Variants in MTMR8 observed in about 807,000 individuals in gnomAD.
MTMR8 encodes myotubularin related protein 8, also known as phosphatidylinositol-3,5-bisphosphate 3-phosphatase MTMR8.
MTMR8 carries 65 observed loss-of-function variants against 39.3 expected under a neutral mutation model. The ratio of observed to expected loss-of-function variants is 1.65; its 90% confidence interval spans 1.35 to 2.03. MTMR8 has a LOEUF of 2.03. MTMR8 is among the 30% of genes most tolerant of loss of function. MTMR8 has a pLI of 0.00. For missense variants in MTMR8, 777 were observed against 538.9 expected (o/e 1.44, Z -4.37); for synonymous variants, 245 against 185.2 (o/e 1.32, Z -2.62).
At chrX:64,314,439 G>C (rs866905243) in intron 12 of MTMR8, among the ~76,000 whole-genome samples, 2 of 112,612 alleles carry the variant, frequency 1.8e-5, no homozygotes, top group Admixed American at 9.3e-5. Context: ...GTTAGCATGG[G>C]GGTAGGGCAC....
chrX:64,359,338 C>T lies in MTMR8; in HGVS notation c.147+67G>A, dbSNP rs1052406872. 7.9e-6 allele frequency: 8 copies of T among 1,015,410 alleles called. No individual in the cohort carries two copies. The African/African-American group carries it at 9.8e-5, about 12-fold the overall frequency. 83.7% of individuals were successfully genotyped at this position (1,015,410 alleles called of 1,213,427 possible). ...AAATTACACTTGAAATTTCAAGAAACTACCATATAGAGAGCATGTATGCAC... is the reference window on the plus strand; with the variant it reads ...AAATTACACTTGAAATTTCAAGAAATTACCATATAGAGAGCATGTATGCAC... On this transcript the variant is annotated intron_variant, in intron 2 of 13. Transcript: ENST00000374852.
At chrX:64,275,309 A>G (rs1452935385) in intron 12 of MTMR8, among the ~76,000 whole-genome samples, 2 of 111,400 alleles carry the variant, frequency 1.8e-5, no homozygotes, top group Non-Finnish European at 3.8e-5. Context: ...CTCAGGAACT[A>G]GGAAAAGAAC....
chrX:64,333,209 A>T (rs1345971076), intron 10 of MTMR8, among the ~76,000 whole-genome samples: 1 of 111,893 alleles, frequency 8.9e-6, no homozygotes, highest in Non-Finnish European at 1.9e-5. Context: ...CTGTGTTTTA[A>T]CTGCTCTCAA....
chrX:64,390,345 A>AT (rs749906311), intron 1 of MTMR8, among the ~76,000 whole-genome samples: 1 of 112,314 alleles, frequency 8.9e-6, no homozygotes, highest in African/African-American at 3.2e-5. Flanking sequence ...AAGTGTTATT[A>AT]TTTTTTATTA....
intron 12 of MTMR8, among the ~76,000 whole-genome samples, chrX:64,293,897 T>A (rs1172375084): frequency 1.8e-5 from 2 of 111,903 alleles, no homozygotes; most frequent in Admixed American, 1.9e-4. Context: ...CTTATTTGAA[T>A]GGACTTCTTC....
At chrX:64,276,848 G>A (rs1299457063) in intron 12 of MTMR8, among the ~76,000 whole-genome samples, 3 of 110,932 alleles carry the variant, frequency 2.7e-5, no homozygotes, top group Non-Finnish European at 5.7e-5. Flanking sequence ...TTGACAGCGG[G>A]GTATTAAAGT....
chrX:64,299,304 T>C (rs1921750595), intron 12 of MTMR8, among the ~76,000 whole-genome samples: 1 of 75,774 alleles, frequency 1.3e-5, no homozygotes. Context: ...TGGTTTAGTC[T>C]TGGGAGAGTG....
At chrX:64,367,463 A>G (rs1924003406) in intron 1 of MTMR8, among the ~76,000 whole-genome samples, 1 of 112,123 alleles carries the variant, frequency 8.9e-6, no homozygotes, top group African/African-American at 3.2e-5. Flanking sequence ...ACATATGCAA[A>G]TCAATAAACT....
intron 12 of MTMR8, among the ~76,000 whole-genome samples, chrX:64,309,474 T>C (rs1922228961): frequency 9.0e-6 from 1 of 111,553 alleles, no homozygotes; most frequent in African/African-American, 3.3e-5. Context: ...AAAAAAACAG[T>C]TGTTCTCTGG....
chrX:64,331,450 T>C (rs1922936257), intron 11 of MTMR8, 107 bp downstream of exon 11: 1 of 648,062 alleles, frequency 1.5e-6, no homozygotes, highest in Non-Finnish European at 2.4e-6. Context: ...ATTATTGTTA[T>C]CTCCTCCCCT....
rs189781472 is a variant in MTMR8, at chrX:64,364,374, G to A, written c.25-4847C>T. On this transcript the variant is annotated intron_variant, in intron 1 of 13. Transcript: ENST00000374852. ...ACCTCATACAGGCGGGTGCCCCTCT[G>A]GAATGAAGCTTACAGAAGAAGGATC... Among the ~76,000 whole-genome samples, 157 of 111,645 alleles carry A rather than the reference G, an allele frequency of 1.4e-3. 1 individual carries two copies. Among genetic ancestry groups the A allele is most frequent in the Non-Finnish European group, 1.9e-3 (100 of 53,027 alleles).
At position 64,283,452 on chromosome X, in the gene MTMR8, T is replaced by G. The variant is rs769335332; in HGVS notation, c.1482-12379A>C. Among the ~76,000 whole-genome samples the G allele has an allele frequency of 5.3e-5, 6 of 112,165 alleles. No individual in the cohort carries two copies. The Admixed American group carries it at 5.7e-4, about 11-fold the overall frequency. ...AAACCTCTGCAGATTTAAATGTCTC[T>G]GTCTGACAGCTTGGAAGACAGTAGT... On this transcript the variant is annotated intron_variant, in intron 12 of 13. Coordinates refer to ENST00000374852, the MANE Select transcript of MTMR8 (RefSeq NM_017677.4).
At chrX:64,378,302 C>A (rs1215112606) in intron 1 of MTMR8, among the ~76,000 whole-genome samples, 3 of 111,945 alleles carry the variant, frequency 2.7e-5, no homozygotes, top group African/African-American at 6.5e-5. Context: ...CTCATTGCAG[C>A]CTCAACCTCC....
intron 1 of MTMR8, among the ~76,000 whole-genome samples, chrX:64,381,437 G>A (rs756668305): frequency 1.3e-3 from 124 of 97,846 alleles, no homozygotes; most frequent in Non-Finnish European, 1.9e-3. Flanking sequence ...CCTACTTTTC[G>A]ATGGGGTTGT....
intron 12 of MTMR8, chrX:64,306,204 C>G (rs1602121433): frequency 3.1e-6 from 1 of 327,451 alleles, no homozygotes; most frequent in East Asian, 8.0e-5. Flanking sequence ...TATGATAGTT[C>G]TCAATGCCCA....
Position 64,354,908 on chromosome X carries a change from A to T in MTMR8, c.337T>A (p.Ser113Thr), listed in dbSNP as rs769678813. The T allele has an allele frequency of 2.5e-6, 3 of 1,200,645 alleles. No homozygotes were observed. Among genetic ancestry groups the T allele is most frequent in the South Asian group, 3.7e-5 (2 of 54,423 alleles). ...PALPEDLYAF[S>T]YNPKSSKEMR... ...TCTTTTGAGGATTTGGGATTATAAG[A>T]AAAAGCATAAAGATCTTCAGGTAAT... The change falls in exon 4 of 14, where the codon TCT becomes ACT. Residue 113 changes from serine (S) to threonine (T), a missense_variant. Coordinates refer to ENST00000374852, the MANE Select transcript of MTMR8 (RefSeq NM_017677.4).
intron 6 of MTMR8, 96 bp downstream of exon 6, chrX:64,348,564 A>T (rs908402972): frequency 9.4e-7 from 1 of 1,058,242 alleles, no homozygotes; most frequent in Middle Eastern, 3.1e-4. Flanking sequence ...ACACATACAC[A>T]AACCTAACTT....
intron 12 of MTMR8, among the ~76,000 whole-genome samples, chrX:64,290,434 G>GTA (rs1392597796): frequency 1.3e-4 from 14 of 109,415 alleles, no homozygotes; most frequent in South Asian, 1.2e-3. Context: ...TAAACATTTT[G>GTA]TATATATATA....
chrX:64,297,901 G>A (rs1285179867), intron 12 of MTMR8, among the ~76,000 whole-genome samples: 2 of 102,637 alleles, frequency 1.9e-5, no homozygotes, highest in African/African-American at 7.1e-5. Context: ...TAGGTAGGCG[G>A]CGTTATTTCT....
Sources: allele counts gnomAD v4.1 joint callset (sites outside exome capture counted in the v4.1 genomes callset), GRCh38; gene constraint gnomAD v4.1.1; transcripts MANE v1.5; gene names NCBI Gene and HGNC (gene_info 2026-07-23, HGNC 2026-07-21).